Variants in SEL1L3 observed in about 807,000 individuals in gnomAD.
SEL1L3 encodes the protein protein sel-1 homolog 3.
Under a neutral mutation model 142.8 loss-of-function variants are expected in SEL1L3, and 76 were observed. The observed-to-expected ratio is 0.53, with a 90% CI of 0.44 to 0.64. The LOEUF is 0.64. Ranked by LOEUF, SEL1L3 falls within the 30% of genes least tolerant of loss-of-function variation. The pLI, the probability that SEL1L3 is intolerant of heterozygous loss-of-function variation, is 0.00. For synonymous variants in SEL1L3, 504 were observed against 519.6 expected (o/e 0.97, Z 0.41); for missense variants, 1,262 against 1,381.7 (o/e 0.91, Z 1.37).
At chr4:25,845,207 T>G (rs1056987157) in intron 2 of SEL1L3, among the ~76,000 whole-genome samples, 1 of 152,184 alleles carries the variant, frequency 6.6e-6, no homozygotes, top group Non-Finnish European at 1.5e-5. Context: ...TTTGCAACTT[T>G]CTGTGAATCT....
At chr4:25,843,382 C>T (rs1013109025) in intron 2 of SEL1L3, among the ~76,000 whole-genome samples, 9 of 152,106 alleles carry the variant, frequency 5.9e-5, no homozygotes, top group Admixed American at 2.0e-4. Context: ...CGGCACTCCA[C>T]GTGGTGAGAA....
chr4:25,813,005 C>G (rs944670074), intron 9 of SEL1L3, among the ~76,000 whole-genome samples: 3 of 152,218 alleles, frequency 2.0e-5, no homozygotes, highest in Non-Finnish European at 2.9e-5. Context: ...GAGCCAGATT[C>G]TGTCTCAAAA....
At chr4:25,828,321 T>A (rs1270062590) in intron 6 of SEL1L3, among the ~76,000 whole-genome samples, 1 of 152,040 alleles carries the variant, frequency 6.6e-6, no homozygotes, top group Non-Finnish European at 1.5e-5. Flanking sequence ...TTTAGTTTTT[T>A]AATGCAGATT....
rs185394974 is a variant in SEL1L3 at position 25,829,519 on chromosome 4, A to G, written c.1157+579T>C. On this transcript the variant is annotated intron_variant, in intron 6 of 23. Coordinates refer to ENST00000399878, the MANE Select transcript of SEL1L3 (RefSeq NM_015187.5). ...TAATGAAGGTTGCCCCATGGTTCTGACACTATAAAACCCACGATTATACGT... is the reference window on the plus strand; with the variant it reads ...TAATGAAGGTTGCCCCATGGTTCTGGCACTATAAAACCCACGATTATACGT... 1.4e-3 allele frequency among the ~76,000 whole-genome samples: 214 copies of G among 152,322 alleles called. 1 individual carries two copies. The highest frequency in any genetic ancestry group is 3.5e-3 in the South Asian group (17 of 4,824).
At chr4:25,835,656 T>G (rs1715771414) in intron 2 of SEL1L3, among the ~76,000 whole-genome samples, 1 of 152,240 alleles carries the variant, frequency 6.6e-6, no homozygotes, top group Non-Finnish European at 1.5e-5. Context: ...TCATAATCAT[T>G]TCACATCTTG....
At chr4:25,785,243 A>T (rs1711705114) in intron 13 of SEL1L3, among the ~76,000 whole-genome samples, 2 of 152,234 alleles carry the variant, frequency 1.3e-5, no homozygotes, top group Admixed American at 6.5e-5. Flanking sequence ...AAATGGAAAC[A>T]GCGCTAGTTA....
At chr4:25,818,038 A>G in intron 9 of SEL1L3, 100 bp downstream of exon 9, 1 of 1,266,492 alleles carries the variant, frequency 7.9e-7, no homozygotes, top group Non-Finnish European at 1.1e-6. Context: ...AGGGTTAAAA[A>G]TAACTTTAAG....
At chr4:25,754,450 G>A (rs888958704) in intron 23 of SEL1L3, among the ~76,000 whole-genome samples, 1 of 151,266 alleles carries the variant, frequency 6.6e-6, no homozygotes, top group Admixed American at 6.6e-5. Context: ...CGGGGTTCAA[G>A]CGATTCTCAT....
At chr4:25,826,788 C>A (rs556993726) in intron 6 of SEL1L3, among the ~76,000 whole-genome samples, 1 of 152,098 alleles carries the variant, frequency 6.6e-6, no homozygotes, top group Non-Finnish European at 1.5e-5. Flanking sequence ...CTCAGCCTCC[C>A]GAGTAGCTGG....
chr4:25,856,358 G>C (rs896381176), intron 1 of SEL1L3, among the ~76,000 whole-genome samples: 1 of 152,010 alleles, frequency 6.6e-6, no homozygotes, highest in African/African-American at 2.4e-5. Flanking sequence ...GGGTGAAGAG[G>C]GGCATCTGTG....
At chr4:25,820,950 A>G (rs1577656847) in intron 7 of SEL1L3, among the ~76,000 whole-genome samples, 1 of 150,138 alleles carries the variant, frequency 6.7e-6, no homozygotes, top group African/African-American at 2.5e-5. Context: ...CTGGTCTCAA[A>G]CTCCTGACTT....
chr4:25,734,666 C>A, the SEL1L3 span, among the ~76,000 whole-genome samples: 3 of 151,860 alleles, frequency 2.0e-5, no homozygotes, highest in Non-Finnish European at 4.4e-5. Context: ...CCTCCCGGAT[C>A]CAAGTGATTC....
chr4:25,828,056 G>A (rs1481632799), intron 6 of SEL1L3, among the ~76,000 whole-genome samples: 1 of 152,124 alleles, frequency 6.6e-6, no homozygotes, highest in African/African-American at 2.4e-5. Flanking sequence ...TGTGTTGAAC[G>A]CCTTCTGGCT....
rs1711979925 is a variant in SEL1L3, at chr4:25,788,137, C to A, written c.2217+87G>T. On this transcript the variant is annotated intron_variant, in intron 13 of 23. Transcript: ENST00000399878. This position sits in a 1 kb window ranked among gnomAD's most constrained non-coding sequence, Gnocchi z 5.3. ...TATACTAAATTTCTTCAGTTATCGA[C>A]TCCCTGTTTGCCAGCCCGCCCACAG... 3.8e-6 allele frequency: 5 copies of A among 1,327,164 alleles called. No homozygotes were observed. The South Asian group carries it at 5.1e-5, about 13-fold the overall frequency. 82.2% of individuals were successfully genotyped at this position (1,327,164 alleles called of 1,614,324 possible).
the SEL1L3 span, among the ~76,000 whole-genome samples, chr4:25,722,202 A>G: frequency 6.6e-6 from 1 of 152,208 alleles, no homozygotes; most frequent in Non-Finnish European, 1.5e-5. Flanking sequence ...AGGTAATGGA[A>G]GATGAGTTAT....
At chr4:25,717,642 G>A in the SEL1L3 span, among the ~76,000 whole-genome samples, 23 of 152,182 alleles carry the variant, frequency 1.5e-4, no homozygotes, top group Non-Finnish European at 5.9e-5. Flanking sequence ...CTCCAGCCTG[G>A]GCGACAGAGC....
chr4:25,732,824 A>G, the SEL1L3 span, among the ~76,000 whole-genome samples: 1 of 151,848 alleles, frequency 6.6e-6, no homozygotes, highest in Admixed American at 6.6e-5. Context: ...TGGAAGGCTT[A>G]CCTCCACCTC....
Position 25,809,308 on chromosome 4 carries a change from A to AT in SEL1L3, c.1565-4557dup, listed in dbSNP as rs71190851. On this transcript the variant is annotated intron_variant, in intron 9 of 23. Coordinates refer to ENST00000399878, the MANE Select transcript of SEL1L3 (RefSeq NM_015187.5). ...CAGGGATGCACACCGTGCTTGGCTA[A>AT]TTTTTTTTTTTTTTTTGGTAGAGAC... Among the ~76,000 whole-genome samples, 292 of 139,266 alleles carry AT rather than the reference A, an allele frequency of 2.1e-3. 1 individual carries two copies. Among genetic ancestry groups the AT allele is most frequent in the African/African-American group, 4.8e-3 (183 of 37,940 alleles). The allele number at this position is 139,266 out of a possible 152,430, so 91.4% of individuals were successfully genotyped here.
chr4:25,818,083 A>C, intron 9 of SEL1L3, 55 bp downstream of exon 9: 1 of 1,568,828 alleles, frequency 6.4e-7, no homozygotes, highest in Non-Finnish European at 8.6e-7. Context: ...TGAAACAGAG[A>C]AAAACAAGGA....
Sources: allele counts gnomAD v4.1 joint callset (sites outside exome capture counted in the v4.1 genomes callset), GRCh38; gene constraint gnomAD v4.1.1; non-coding constraint Gnocchi (gnomAD v3.1); transcripts MANE v1.5; gene names NCBI Gene and HGNC (gene_info 2026-07-23, HGNC 2026-07-21).